The following RUNX2 variants were observed in gnomAD, a reference collection of about 807,000 sequenced individuals.
RUNX2 encodes the protein RUNX family transcription factor 2.
A neutral mutation model predicts 51.7 loss-of-function variants in RUNX2; 10 were observed. The ratio of observed to expected loss-of-function variants is 0.19; its 90% CI spans 0.12 to 0.33. The LOEUF (loss-of-function observed/expected upper bound fraction) is 0.33. Among genes scored for constraint, RUNX2 ranks in the 10% least tolerant of loss-of-function variants. RUNX2 has a pLI of 1.00. For missense variants in RUNX2, 562 were observed against 691.3 expected (o/e 0.81, Z 2.10); for synonymous variants, 276 against 273.6 (o/e 1.01, Z -0.09).
chr6:45,351,544 C>T (rs1407342627), intron 2 of RUNX2, among the ~76,000 whole-genome samples: 1 of 152,114 alleles, frequency 6.6e-6, no homozygotes, highest in Non-Finnish European at 1.5e-5. Flanking sequence ...ACTTCCAGGA[C>T]GATGAGATTT....
At chr6:45,431,124 G>A (rs552336683) in intron 3 of RUNX2, among the ~76,000 whole-genome samples, 35 of 152,308 alleles carry the variant, frequency 2.3e-4, no homozygotes, top group Admixed American at 9.1e-4. Context: ...AACTGTTGAA[G>A]ATTAAGCAGT....
At chr6:45,353,669 G>A (rs1447407034) in intron 2 of RUNX2, among the ~76,000 whole-genome samples, 1 of 151,968 alleles carries the variant, frequency 6.6e-6, no homozygotes, top group East Asian at 1.9e-4. Context: ...AATATGAAAT[G>A]TAAGAAAGTG....
intron 5 of RUNX2, among the ~76,000 whole-genome samples, chr6:45,454,121 G>A (rs1799253896): frequency 6.6e-6 from 1 of 152,086 alleles, no homozygotes; most frequent in Non-Finnish European, 1.5e-5. Context: ...GAAACTGATT[G>A]TAGTTAATTT....
intron 2 of RUNX2, among the ~76,000 whole-genome samples, chr6:45,351,776 T>G (rs1164047714): frequency 1.3e-5 from 2 of 152,156 alleles, no homozygotes; most frequent in African/African-American, 2.4e-5. Context: ...AATAGCCTTC[T>G]GCCACATCTG....
intron 2 of RUNX2, among the ~76,000 whole-genome samples, chr6:45,393,508 C>A (rs544309280): frequency 6.6e-6 from 1 of 152,072 alleles, no homozygotes; most frequent in Non-Finnish European, 1.5e-5. Flanking sequence ...CAGCTCACTG[C>A]AACCTCTGCC....
In RUNX2 at chr6:45,501,224, T is replaced by C. The variant is rs181630996; in HGVS notation, c.859+9110T>C. On this transcript the variant is annotated intron_variant, in intron 6 of 8. Transcript: ENST00000647337. ...GGTCAGTAGGGGTCTACTAATATTC[T>C]GTTAATATATCCCAAGTTTGTGTTA... Among the ~76,000 whole-genome samples the C allele has an allele frequency of 9.8e-5, 15 of 152,384 alleles. No homozygotes were observed. The East Asian group carries it at 2.9e-3, about 29-fold the overall frequency.
At chr6:45,459,151 C>T (rs1799402476) in intron 5 of RUNX2, among the ~76,000 whole-genome samples, 1 of 152,136 alleles carries the variant, frequency 6.6e-6, no homozygotes, top group Non-Finnish European at 1.5e-5. Context: ...TGGGTTCTTG[C>T]CATAAAGAAC....
rs1394278421 is a variant in RUNX2, at chr6:45,549,870, T to C, written c.*2565T>C. 2.6e-5 allele frequency: 4 copies of C among 152,828 alleles called. No individual in the cohort carries two copies. The highest frequency in any genetic ancestry group is 2.6e-4 in the Admixed American group (4 of 15,284). 9.5% of individuals were successfully genotyped at this position (152,828 alleles called of 1,614,324 possible). A position where few individuals can be genotyped will look rare whatever the true frequency, so the allele number is the denominator to read the frequency against. ...CCAGAAACACTTTAGAAGCTTTTTT[T>C]CCTTGGGAAAAATTCAAGCACTTCT... is the stretch of plus-strand genomic sequence containing the variant. On this transcript the variant is annotated 3_prime_UTR_variant, in exon 9 of 9. Transcript: ENST00000647337.
rs548354458 is a variant in RUNX2, at chr6:45,378,457, A to C, written c.59-44136A>C. On this transcript the variant is annotated intron_variant, in intron 2 of 8. Coordinates refer to ENST00000647337, the MANE Select transcript of RUNX2 (RefSeq NM_001024630.4). ...GTCTGAACGCTCCCCGCAGGGCCGC[A>C]GTACAGGCGTGTGGATGTGGAACCC... 2.1e-3 allele frequency among the ~76,000 whole-genome samples: 325 copies of C among 152,348 alleles called. 1 individual carries two copies. Among genetic ancestry groups the C allele is most frequent in the African/African-American group, 7.5e-3 (311 of 41,594 alleles).
intron 5 of RUNX2, among the ~76,000 whole-genome samples, chr6:45,489,001 G>T (rs544371524): frequency 1.3e-5 from 2 of 152,268 alleles, no homozygotes; most frequent in South Asian, 4.1e-4. Context: ...ACCCTGATGT[G>T]GTTTAGTGGT....
At chr6:45,489,953 A>G (rs1400233365) in intron 5 of RUNX2, among the ~76,000 whole-genome samples, 2 of 152,186 alleles carry the variant, frequency 1.3e-5, no homozygotes, top group African/African-American at 2.4e-5. Context: ...GTTTCACTCT[A>G]TATGATCTGG....
chr6:45,516,513 A>G (rs1485169712), intron 7 of RUNX2, among the ~76,000 whole-genome samples: 1 of 152,244 alleles, frequency 6.6e-6, no homozygotes, highest in Non-Finnish European at 1.5e-5. Flanking sequence ...ACATTGATAC[A>G]TATGGCCTCA....
intron 2 of RUNX2, among the ~76,000 whole-genome samples, chr6:45,410,188 G>A (rs191470461): frequency 1.3e-5 from 2 of 152,300 alleles, no homozygotes; most frequent in East Asian, 1.9e-4. Context: ...CAAAATGAAC[G>A]AAATTGTATT....
chr6:45,423,153 C>T (rs549265971), intron 3 of RUNX2, among the ~76,000 whole-genome samples, 196 bp downstream of exon 3: 6 of 152,182 alleles, frequency 3.9e-5, no homozygotes, highest in Non-Finnish European at 8.8e-5. Context: ...CGCGCAAATC[C>T]CTCCCTCTCC....
rs538805869 is a variant in RUNX2, at chr6:45,471,531, G to A, written c.686-20410G>A. ...GCGATCTCGGCTCACTGCAAGCTCC[G>A]CCTCCCAGGTTCATGCCATTCTCCT... On this transcript the variant is annotated intron_variant, in intron 5 of 8. Coordinates refer to ENST00000647337, the MANE Select transcript of RUNX2 (RefSeq NM_001024630.4). Among the ~76,000 whole-genome samples the A allele has an allele frequency of 6.0e-5, 9 of 149,700 alleles. No homozygotes were observed. In the South Asian group the frequency reaches 1.1e-3, roughly 18 times the overall value.
At chr6:45,467,390 A>G (rs1379717869) in intron 5 of RUNX2, among the ~76,000 whole-genome samples, 1 of 151,872 alleles carries the variant, frequency 6.6e-6, no homozygotes, top group Non-Finnish European at 1.5e-5. Context: ...CAAGCGATTC[A>G]CCTACCTCAG....
At chr6:45,521,639 G>T (rs1259703056) in intron 7 of RUNX2, among the ~76,000 whole-genome samples, 1 of 152,172 alleles carries the variant, frequency 6.6e-6, no homozygotes, top group Admixed American at 6.5e-5. Flanking sequence ...GCAAAAGATA[G>T]GGTTTTGACA....
chr6:45,523,413 C>A (rs1801568140), intron 7 of RUNX2, among the ~76,000 whole-genome samples: 1 of 151,848 alleles, frequency 6.6e-6, no homozygotes, highest in African/African-American at 2.4e-5. Context: ...ATTATAGGCA[C>A]CTGCCACGAT....
Position 45,482,937 on chromosome 6 carries a change from T to A in RUNX2, c.686-9004T>A, listed in dbSNP as rs148152755. Among the ~76,000 whole-genome samples, 574 of 152,290 alleles carry A rather than the reference T, an allele frequency of 3.8e-3. 4 individuals are homozygous for A. Among genetic ancestry groups the A allele is most frequent in the African/African-American group, 0.013 (535 of 41,546 alleles). On this transcript the variant is annotated intron_variant, in intron 5 of 8. Transcript: ENST00000647337. ...GGGGACTCTTGAAGATATGTGGTAG[T>A]GATTATGATTTTTTTCCTTTAGAAA...
Sources: gnomAD v4.1 joint callset for allele counts (sites outside exome capture counted in the v4.1 genomes callset) on GRCh38, gnomAD v4.1.1 for gene constraint, MANE v1.5 for transcripts, NCBI Gene and HGNC (gene_info 2026-07-23, HGNC 2026-07-21) for gene names.